The following GRM1 variants were observed in gnomAD, a reference collection of about 807,000 sequenced individuals.
The protein encoded by GRM1 is glutamate metabotropic receptor 1, also known as metabotropic glutamate receptor 1.
Under a neutral mutation model 90.9 loss-of-function variants are expected in GRM1, and 33 were observed. The ratio of observed to expected loss-of-function variants is 0.36; its 90% CI spans 0.28 to 0.49. The LOEUF (loss-of-function observed/expected upper bound fraction) is 0.49, where lower values mean the gene tolerates loss of function less well. Ranked by LOEUF, GRM1 falls within the 20% of genes least tolerant of loss-of-function variation. The pLI, the probability that GRM1 is intolerant of heterozygous loss-of-function variation, is 0.99. For synonymous variants in GRM1, 700 were observed against 613.2 expected (o/e 1.14, Z -2.09); for missense variants, 1,190 against 1,534.3 (o/e 0.78, Z 3.75).
chr6:146,346,985 T>C lies in GRM1; in HGVS notation c.1187-5265T>C, dbSNP rs570206863. On this transcript the variant is annotated intron_variant, in intron 3 of 7. Transcript: ENST00000282753. Reference sequence around the variant, plus strand: ...AGATAGAATAACGCGGTGTTTGTTCTTTTAATTTGAAGTTAATGACAAGAA... The same window carrying C: ...AGATAGAATAACGCGGTGTTTGTTCCTTTAATTTGAAGTTAATGACAAGAA... 2.6e-5 allele frequency among the ~76,000 whole-genome samples: 4 copies of C among 152,354 alleles called. No individual in the cohort carries two copies. In the South Asian group the frequency reaches 8.3e-4, roughly 32 times the overall value.
intron 1 of GRM1, among the ~76,000 whole-genome samples, chr6:146,089,281 G>A (rs1409917696): frequency 1.3e-5 from 2 of 152,140 alleles, no homozygotes; most frequent in Non-Finnish European, 2.9e-5. Flanking sequence ...AGCTCACTCA[G>A]TCCTTCAGTA....
intron 3 of GRM1, among the ~76,000 whole-genome samples, chr6:146,348,348 T>G (rs1266155397): frequency 6.6e-6 from 1 of 152,228 alleles, no homozygotes; most frequent in Non-Finnish European, 1.5e-5. Context: ...AGACAGTTGC[T>G]GTAGTAAAGG....
chr6:146,253,067 A>C (rs1286320179), intron 2 of GRM1, among the ~76,000 whole-genome samples: 1 of 152,036 alleles, frequency 6.6e-6, no homozygotes, highest in Non-Finnish European at 1.5e-5. Context: ...TCAAAAAAAA[A>C]ATTGATAAAT....
chr6:146,432,738 A>G lies in GRM1; in HGVS notation c.2661-1134A>G, dbSNP rs567307127. Reference sequence around the variant, plus strand: ...CCACCGTTGTTATTAGTAGAAGGCTATGGTAAGGTACCAACATCTGCTTAA... The same window carrying G: ...CCACCGTTGTTATTAGTAGAAGGCTGTGGTAAGGTACCAACATCTGCTTAA... On this transcript the variant is annotated intron_variant, in intron 7 of 7. Coordinates refer to ENST00000282753, the MANE Select transcript of GRM1 (RefSeq NM_001278064.2). Among the ~76,000 whole-genome samples the G allele has an allele frequency of 3.9e-5, 6 of 152,374 alleles. 1 individual carries two copies. Among genetic ancestry groups the G allele is most frequent in the African/African-American group, 1.2e-4 (5 of 41,592 alleles).
At chr6:146,101,215 G>T (rs1458693627) in intron 1 of GRM1, among the ~76,000 whole-genome samples, 1 of 151,972 alleles carries the variant, frequency 6.6e-6, no homozygotes, top group East Asian at 1.9e-4. Context: ...GATTTTTTCT[G>T]TAGTAGCCTT....
intron 2 of GRM1, among the ~76,000 whole-genome samples, chr6:146,188,615 G>GT (rs1778824981): frequency 6.6e-6 from 1 of 152,096 alleles, no homozygotes; most frequent in Non-Finnish European, 1.5e-5. Context: ...CAATTATTAA[G>GT]TAATGAGATG....
At chr6:146,291,589 A>G (rs1430983629) in intron 2 of GRM1, among the ~76,000 whole-genome samples, 1 of 151,860 alleles carries the variant, frequency 6.6e-6, no homozygotes, top group Non-Finnish European at 1.5e-5. Flanking sequence ...ACCATGAGGA[A>G]GTGAAAGACT....
At chr6:146,041,398 G>C (rs369648244) in intron 1 of GRM1, among the ~76,000 whole-genome samples, 1 of 151,980 alleles carries the variant, frequency 6.6e-6, no homozygotes, top group Non-Finnish European at 1.5e-5. Context: ...CTAGTGATGT[G>C]TATTTACAGG....
At chr6:146,244,443 C>T (rs755840815) in intron 2 of GRM1, among the ~76,000 whole-genome samples, 21 of 152,290 alleles carry the variant, frequency 1.4e-4, no homozygotes, top group East Asian at 3.9e-4. Context: ...ATTAACACTT[C>T]GTAGTAAAAG....
intron 2 of GRM1, chr6:146,171,523 C>T (rs970166210): frequency 9.5e-6 from 2 of 211,282 alleles, no homozygotes; most frequent in Non-Finnish European, 2.1e-5. Flanking sequence ...AAAAGTATCC[C>T]GTGACAACCC....
intron 5 of GRM1, among the ~76,000 whole-genome samples, chr6:146,372,614 T>G (rs151009732): frequency 0.016 from 2,431 of 152,246 alleles, 32 homozygotes; most frequent in Non-Finnish European, 0.026. Flanking sequence ...AAGTCTTTAA[T>G]TGATATTTAT....
Position 146,124,005 on chromosome 6 carries a change from C to T in GRM1, c.701-35343C>T, listed in dbSNP as rs567282776. On this transcript the variant is annotated intron_variant, in intron 1 of 7. Coordinates refer to ENST00000282753, the MANE Select transcript of GRM1 (RefSeq NM_001278064.2). The stretch of plus-strand genomic sequence containing the variant: ...ATTTCTTCTAAGGAATCAGCATAGT[C>T]GAGTTTACAAAACTCATCATTTTTC... Among the ~76,000 whole-genome samples, 5 of 152,228 alleles carry T rather than the reference C, an allele frequency of 3.3e-5. No individual in the cohort carries two copies. In the East Asian group the frequency reaches 7.7e-4, roughly 23 times the overall value.
At chr6:146,247,059 A>G (rs1781084117) in intron 2 of GRM1, among the ~76,000 whole-genome samples, 1 of 152,198 alleles carries the variant, frequency 6.6e-6, no homozygotes, top group Admixed American at 6.5e-5. Flanking sequence ...ATGTTCTCAC[A>G]TTCCTGCTCC....
chr6:146,216,655 A>AGG (rs1327916315), intron 2 of GRM1, among the ~76,000 whole-genome samples: 1 of 152,228 alleles, frequency 6.6e-6, no homozygotes, highest in African/African-American at 2.4e-5. Context: ...TGTGGCTCGA[A>AGG]GGGGCAGCAT....
chr6:146,215,660 A>T (rs532741969), intron 2 of GRM1, among the ~76,000 whole-genome samples: 2 of 136,106 alleles, frequency 1.5e-5, no homozygotes, highest in Non-Finnish European at 3.0e-5. Context: ...CACCACCAAA[A>T]ATCTTCTCCT....
At chr6:146,105,688 T>C (rs1777202889) in intron 1 of GRM1, among the ~76,000 whole-genome samples, 1 of 152,242 alleles carries the variant, frequency 6.6e-6, no homozygotes, top group Non-Finnish European at 1.5e-5. Flanking sequence ...ATAGTATATG[T>C]ATTTTGTGAT....
At chr6:146,339,869 C>A (rs138124943) in intron 3 of GRM1, among the ~76,000 whole-genome samples, 26 of 152,258 alleles carry the variant, frequency 1.7e-4, no homozygotes, top group Non-Finnish European at 2.9e-4. Context: ...CTTGTACCAC[C>A]ATAACATTCC....
chr6:146,318,387 T>C (rs1158589533), intron 3 of GRM1, among the ~76,000 whole-genome samples: 1 of 152,242 alleles, frequency 6.6e-6, no homozygotes, highest in Admixed American at 6.5e-5. Context: ...CCACATTTTC[T>C]TTATCCAGTC....
intron 1 of GRM1, among the ~76,000 whole-genome samples, chr6:146,103,973 C>A (rs1482700716): frequency 6.6e-6 from 1 of 152,116 alleles, no homozygotes; most frequent in Admixed American, 6.5e-5. Context: ...AAGAAAAAAA[C>A]CATCTGATCT....
Sources: gnomAD v4.1 joint callset for allele counts (sites outside exome capture counted in the v4.1 genomes callset) on GRCh38, gnomAD v4.1.1 for gene constraint, MANE v1.5 for transcripts, NCBI Gene and HGNC (gene_info 2026-07-23, HGNC 2026-07-21) for gene names.